The following GAS7 variants were observed in gnomAD, a reference collection of about 807,000 sequenced individuals.
GAS7 encodes growth arrest-specific protein 7.
A neutral mutation model predicts 71.1 loss-of-function variants in GAS7; 28 were observed. The ratio of observed to expected loss-of-function variants is 0.39; its 90% CI spans 0.29 to 0.54. The LOEUF is 0.54. GAS7 is among the 20% of genes least tolerant of loss of function. GAS7 has a pLI of 0.62. For synonymous variants in GAS7, 258 were observed against 245.8 expected (o/e 1.05, Z -0.46); for missense variants, 436 against 627.8 (o/e 0.69, Z 3.27).
intron 1 of GAS7, among the ~76,000 whole-genome samples, chr17:10,162,772 T>A (rs1258796181): frequency 6.6e-6 from 1 of 152,136 alleles, no homozygotes; most frequent in Non-Finnish European, 1.5e-5. Flanking sequence ...TGATTCCAAT[T>A]ATATGAGGTC....
chr17:10,170,846 C>T (rs1036495750), intron 1 of GAS7, among the ~76,000 whole-genome samples: 2 of 152,338 alleles, frequency 1.3e-5, no homozygotes, highest in African/African-American at 4.8e-5. Context: ...TGCCCAGCAG[C>T]TCTGTCACCT....
intron 1 of GAS7, among the ~76,000 whole-genome samples, chr17:10,193,517 C>T (rs974455450): frequency 6.6e-6 from 1 of 152,170 alleles, no homozygotes; most frequent in Non-Finnish European, 1.5e-5. Flanking sequence ...TCTGGACAGA[C>T]CTGTGACTAC....
intron 7 of GAS7, among the ~76,000 whole-genome samples, chr17:9,941,920 G>C (rs143069392): frequency 6.6e-6 from 1 of 152,120 alleles, no homozygotes; most frequent in Non-Finnish European, 1.5e-5. Context: ...TCAAAACGCC[G>C]AAGCATTATT....
chr17:9,950,106 C>T (rs2068947206), intron 5 of GAS7, among the ~76,000 whole-genome samples: 2 of 152,104 alleles, frequency 1.3e-5, no homozygotes, highest in Middle Eastern at 3.4e-3. Context: ...CCAAGTGATC[C>T]ACCCTCCTCG....
intron 2 of GAS7, among the ~76,000 whole-genome samples, chr17:10,016,499 G>A (rs991488830): frequency 4.7e-5 from 7 of 147,816 alleles, no homozygotes; most frequent in Admixed American, 2.7e-4. Flanking sequence ...GGAGAGAGCC[G>A]AGCACGGTGG....
chr17:9,935,529 T>C (rs1305196869), intron 8 of GAS7, among the ~76,000 whole-genome samples: 1 of 152,202 alleles, frequency 6.6e-6, no homozygotes, highest in Non-Finnish European at 1.5e-5. Context: ...AGAGAATTCA[T>C]TAAAGTCGAG....
intron 2 of GAS7, among the ~76,000 whole-genome samples, chr17:10,012,140 T>C (rs950646703): frequency 4.6e-5 from 7 of 152,228 alleles, no homozygotes; most frequent in Non-Finnish European, 8.8e-5. Flanking sequence ...CATCTATCTA[T>C]ACTGGCTTCA....
chr17:10,095,141 C>T (rs897266159), intron 1 of GAS7, among the ~76,000 whole-genome samples: 1 of 152,170 alleles, frequency 6.6e-6, no homozygotes, highest in Non-Finnish European at 1.5e-5. Flanking sequence ...CCTTACAGGG[C>T]TCTTATGGAC....
At chr17:10,044,256 C>T (rs190706742) in intron 1 of GAS7, among the ~76,000 whole-genome samples, 5 of 152,268 alleles carry the variant, frequency 3.3e-5, no homozygotes, top group Admixed American at 6.5e-5. Flanking sequence ...CATTTTACTG[C>T]GATACCCAAT....
intron 1 of GAS7, among the ~76,000 whole-genome samples, chr17:10,041,886 A>G (rs956605652): frequency 7.2e-5 from 11 of 152,344 alleles, no homozygotes; most frequent in African/African-American, 2.6e-4. Flanking sequence ...GGCATCAGAT[A>G]AGACCAACCC....
At chr17:9,967,609 T>C (rs1259855125) in intron 4 of GAS7, among the ~76,000 whole-genome samples, 3 of 116,962 alleles carry the variant, frequency 2.6e-5, no homozygotes, top group African/African-American at 1.0e-4. Flanking sequence ...GCAATGTGTG[T>C]CCTACTTTTT....
intron 4 of GAS7, among the ~76,000 whole-genome samples, chr17:9,963,675 C>T (rs1439316903): frequency 6.6e-6 from 1 of 151,924 alleles, no homozygotes; most frequent in Non-Finnish European, 1.5e-5. Context: ...CTAGAATTCA[C>T]GAGCTATAAT....
chr17:10,127,534 A>G (rs922534425), intron 1 of GAS7, among the ~76,000 whole-genome samples: 1 of 152,176 alleles, frequency 6.6e-6, no homozygotes, highest in Non-Finnish European at 1.5e-5. Context: ...CAGCCCTGAA[A>G]GTATTTTAGC....
intron 1 of GAS7, among the ~76,000 whole-genome samples, chr17:10,077,898 A>T (rs572672277): frequency 6.6e-6 from 1 of 152,348 alleles, no homozygotes; most frequent in Admixed American, 6.5e-5. Flanking sequence ...ATGATGGTGA[A>T]GGAAGATAAA....
intron 2 of GAS7, among the ~76,000 whole-genome samples, chr17:9,987,287 C>T (rs1033292705): frequency 5.3e-5 from 8 of 152,306 alleles, no homozygotes; most frequent in Middle Eastern, 3.4e-3. Context: ...AGCCTCTTCC[C>T]ACCCCACCTA....
intron 5 of GAS7, among the ~76,000 whole-genome samples, chr17:9,955,754 G>A (rs551370328): frequency 1.1e-4 from 16 of 152,294 alleles, no homozygotes; most frequent in African/African-American, 2.2e-4. Context: ...ACGCCTCCCC[G>A]TGTGTACTGC....
chr17:10,028,457 A>G (rs937935450), intron 1 of GAS7, among the ~76,000 whole-genome samples: 1 of 152,200 alleles, frequency 6.6e-6, no homozygotes, highest in Non-Finnish European at 1.5e-5. Flanking sequence ...GGGAGGCAAG[A>G]TAATATGTAT....
intron 1 of GAS7, among the ~76,000 whole-genome samples, chr17:10,088,322 A>G (rs2073544227): frequency 6.6e-6 from 1 of 152,010 alleles, no homozygotes; most frequent in Non-Finnish European, 1.5e-5. Flanking sequence ...TACCACTGGG[A>G]CAGGCCATGG....
chr17:10,174,040 T>G (rs550449289), intron 1 of GAS7, among the ~76,000 whole-genome samples: 1 of 152,136 alleles, frequency 6.6e-6, no homozygotes, highest in Non-Finnish European at 1.5e-5. Context: ...TTCCCACATA[T>G]GAATAAGTGA....
Sources: gnomAD v4.1 joint callset for allele counts (sites outside exome capture counted in the v4.1 genomes callset) on GRCh38, gnomAD v4.1.1 for gene constraint, MANE v1.5 for transcripts, NCBI Gene and HGNC (gene_info 2026-07-23, HGNC 2026-07-21) for gene names.